XYLT1: variants seen among roughly 807,000 people sequenced by gnomAD.
XYLT1 encodes the protein beta-D-xylosyltransferase 1.
In XYLT1, 36 loss-of-function variants were observed where a neutral mutation model predicts 91.3. The ratio of observed to expected loss-of-function variants is 0.39; its 90% CI spans 0.30 to 0.52. The LOEUF (loss-of-function observed/expected upper bound fraction) is 0.52, where lower values mean the gene tolerates loss of function less well. Among genes scored for constraint, XYLT1 ranks in the 20% least tolerant of loss-of-function variants. The pLI, the probability that XYLT1 is intolerant of heterozygous loss-of-function variation, is 0.68. For missense variants in XYLT1, 1,242 were observed against 1,284.5 expected, an observed-to-expected ratio of 0.97 and a Z score of 0.51; for synonymous variants, 588 against 532.0, an observed-to-expected ratio of 1.11 and a Z score of -1.45.
chr16:17,470,367 G>A (rs1472822644), intron 1 of XYLT1, 67 bp downstream of exon 1: 27 of 1,208,720 alleles, frequency 2.2e-5, no homozygotes, highest in Admixed American at 8.7e-5. Flanking sequence ...AAGGGCTAGG[G>A]GGGCGTGGGG....
chr16:17,345,466 C>T (rs2035131184), intron 2 of XYLT1, among the ~76,000 whole-genome samples: 1 of 152,188 alleles, frequency 6.6e-6, no homozygotes, highest in African/African-American at 2.4e-5. Flanking sequence ...GGCACGGAGG[C>T]TGGAGAGCCT....
chr16:17,254,301 T>C (rs940029757), intron 3 of XYLT1, among the ~76,000 whole-genome samples: 1 of 152,238 alleles, frequency 6.6e-6, no homozygotes, highest in African/African-American at 2.4e-5. Flanking sequence ...AAGGCCTTTA[T>C]GATGATCCAC....
At chr16:17,147,652 G>C (rs944095739) in intron 6 of XYLT1, among the ~76,000 whole-genome samples, 3 of 152,218 alleles carry the variant, frequency 2.0e-5, no homozygotes, top group Admixed American at 6.5e-5. Context: ...AGTTTCTGGA[G>C]TCACAGGGGT....
chr16:17,270,808 T>A (rs2033877421), intron 2 of XYLT1, among the ~76,000 whole-genome samples: 1 of 152,118 alleles, frequency 6.6e-6, no homozygotes, highest in Non-Finnish European at 1.5e-5. Context: ...ACACTGAAGG[T>A]GGTGCTTTTG....
At chr16:17,377,286 G>C (rs1244804732) in intron 1 of XYLT1, among the ~76,000 whole-genome samples, 2 of 149,680 alleles carry the variant, frequency 1.3e-5, no homozygotes, top group African/African-American at 5.1e-5. Context: ...CAGGAAGAAG[G>C]ACCTGGTTCT....
chr16:17,120,620 A>C (rs9934863), intron 10 of XYLT1, among the ~76,000 whole-genome samples: 101,118 of 151,846 alleles, frequency 0.67, 34,329 homozygotes, highest in Non-Finnish European at 0.72. Flanking sequence ...TGAGGTACAT[A>C]TCTAAGCATT....
intron 2 of XYLT1, among the ~76,000 whole-genome samples, chr16:17,302,341 G>C (rs1199597476): frequency 6.6e-6 from 1 of 152,170 alleles, no homozygotes; most frequent in Non-Finnish European, 1.5e-5. Flanking sequence ...TAGACCAGGG[G>C]ACACCGTCGT....
In XYLT1 at chr16:17,195,439, T is replaced by C. The variant is rs1390340657; in HGVS notation, c.1289+2773A>G. Among the ~76,000 whole-genome samples the C allele has an allele frequency of 2.0e-5, 3 of 151,962 alleles. No homozygotes were observed. In the East Asian group the frequency reaches 5.8e-4, roughly 29 times the overall value. On this transcript the variant is annotated intron_variant, in intron 5 of 11. Coordinates refer to ENST00000261381, the MANE Select transcript of XYLT1 (RefSeq NM_022166.4). ...CCCACATCTTCCTTTTTTTTTGTTG[T>C]TTTTTGTTTGTTTGTTTGTTTTTTT...
intron 6 of XYLT1, among the ~76,000 whole-genome samples, chr16:17,149,877 TTG>T: frequency 6.6e-6 from 1 of 152,178 alleles, no homozygotes; most frequent in Non-Finnish European, 1.5e-5. Context: ...TCAAATGAGA[TTG>T]TATACAGGGA....
At chr16:17,265,911 T>C (rs1330610168) in intron 2 of XYLT1, among the ~76,000 whole-genome samples, 2 of 152,200 alleles carry the variant, frequency 1.3e-5, no homozygotes, top group African/African-American at 4.8e-5. Flanking sequence ...TGGGTACTAG[T>C]ATTGCATTAG....
intron 5 of XYLT1, among the ~76,000 whole-genome samples, chr16:17,174,872 G>A (rs2031905133): frequency 6.6e-6 from 1 of 152,148 alleles, no homozygotes; most frequent in African/African-American, 2.4e-5. Flanking sequence ...CTGGGTTGAA[G>A]CGATTCTCTT....
intron 1 of XYLT1, among the ~76,000 whole-genome samples, chr16:17,453,016 A>G (rs1042418409): frequency 6.6e-6 from 1 of 152,342 alleles, no homozygotes; most frequent in African/African-American, 2.4e-5. Context: ...TTTAAGGGTT[A>G]AGTTTCTCAC....
In XYLT1 at chr16:17,291,460, T is replaced by G. The variant is rs754755028; in HGVS notation, c.403-31962A>C. Reference sequence around the variant, plus strand: ...TGTTACCCACCTGGTAGTGGCACAGTCAAGTATGAACAACAGATCCTGTGT... The same window carrying G: ...TGTTACCCACCTGGTAGTGGCACAGGCAAGTATGAACAACAGATCCTGTGT... On this transcript the variant is annotated intron_variant, in intron 2 of 11. Transcript: ENST00000261381. 3.9e-5 allele frequency among the ~76,000 whole-genome samples: 6 copies of G among 152,156 alleles called. No homozygotes were observed. The South Asian group carries it at 1.0e-3, about 26-fold the overall frequency.
intron 1 of XYLT1, among the ~76,000 whole-genome samples, chr16:17,430,826 G>A (rs1160018068): frequency 1.3e-5 from 2 of 152,170 alleles, no homozygotes; most frequent in Non-Finnish European, 2.9e-5. Context: ...AGAACCTGAA[G>A]CCTGAGCTTC....
intron 2 of XYLT1, among the ~76,000 whole-genome samples, chr16:17,345,447 G>A (rs2035130612): frequency 6.6e-6 from 1 of 152,228 alleles, no homozygotes; most frequent in African/African-American, 2.4e-5. Flanking sequence ...GCAGGAGGCA[G>A]TGCATGGAGG....
Position 17,117,807 on chromosome 16 carries a change from A to G in XYLT1, c.2396T>C (p.Ile799Thr). 6.2e-7 allele frequency: 1 copy of G among 1,614,138 alleles called. No individual in the cohort carries two copies. ...GTGTGTGAATTCGGCAGTGGACTCAATGAGGATGTCGTAGGTGGCTGCGAT... is the reference window on the plus strand; with the variant it reads ...GTGTGTGAATTCGGCAGTGGACTCAGTGAGGATGTCGTAGGTGGCTGCGAT... Reference protein sequence around the residue: ...NVIAATYDILIESTAEFTHYK... With the variant: ...NVIAATYDILTESTAEFTHYK... Residue 799 changes from isoleucine to threonine, a missense_variant, in exon 11 of 12, where the codon ATT becomes ACT. This residue lies in a region of XYLT1 where 511 missense variants were observed against 497.0 expected (regional missense o/e 1.03). Coordinates refer to ENST00000261381, the MANE Select transcript of XYLT1 (RefSeq NM_022166.4).
chr16:17,281,689 T>A lies in XYLT1; in HGVS notation c.403-22191A>T, dbSNP rs539291500. On this transcript the variant is annotated intron_variant, in intron 2 of 11. Coordinates refer to ENST00000261381, the MANE Select transcript of XYLT1 (RefSeq NM_022166.4). Reference sequence around the variant, plus strand: ...AAGGACATCAGCACCGTGCTGAGACTTTCTCATTGGTTTAATCCAAGAGAT... The same window carrying A: ...AAGGACATCAGCACCGTGCTGAGACATTCTCATTGGTTTAATCCAAGAGAT... 9.8e-5 allele frequency among the ~76,000 whole-genome samples: 15 copies of A among 152,332 alleles called. No homozygotes were observed. The South Asian group carries it at 3.1e-3, about 32-fold the overall frequency.
chr16:17,336,748 C>G (rs73535362), intron 2 of XYLT1, among the ~76,000 whole-genome samples: 1,919 of 152,310 alleles, frequency 0.013, 36 homozygotes, highest in African/African-American at 0.044. Flanking sequence ...GAGCTGACAT[C>G]CCCAAACACA....
At chr16:17,330,322 CAGA>C (rs1338138285) in intron 2 of XYLT1, among the ~76,000 whole-genome samples, 1 of 152,198 alleles carries the variant, frequency 6.6e-6, no homozygotes, top group Non-Finnish European at 1.5e-5. Flanking sequence ...ACTCAACCCC[CAGA>C]AGGAGCAGAA....
Sources: gnomAD v4.1 joint callset for allele counts (sites outside exome capture counted in the v4.1 genomes callset) on GRCh38, gnomAD v4.1.1 for gene constraint, gnomAD v4.1.1 regional missense constraint, MANE v1.5 for transcripts, NCBI Gene and HGNC (gene_info 2026-07-23, HGNC 2026-07-21) for gene names.